Variants in ANKRD13A observed in about 807,000 individuals in gnomAD.
ANKRD13A encodes the protein ankyrin repeat domain 13A.
A neutral mutation model predicts 81.3 loss-of-function variants in ANKRD13A; 48 were observed. That is an observed-to-expected ratio of 0.59 (90% CI 0.47 to 0.75). The LOEUF (loss-of-function observed/expected upper bound fraction) is 0.75, where lower values mean the gene tolerates loss of function less well. ANKRD13A is among the 30% of genes least tolerant of loss of function. ANKRD13A has a pLI of 0.00. For missense variants in ANKRD13A, 612 were observed against 734.0 expected (o/e 0.83, Z 1.92); for synonymous variants, 230 against 270.1 (o/e 0.85, Z 1.45).
chr12:109,999,865 C>A lies in ANKRD13A; in HGVS notation c.96+81C>A. 1 of 1,286,034 alleles carries A rather than the reference C, an allele frequency of 7.8e-7. No individual in the cohort carries two copies. Among genetic ancestry groups the A allele is most frequent in the Non-Finnish European group, 1.0e-6 (1 of 952,742 alleles). The allele number at this position is 1,286,034 out of a possible 1,614,324, so 79.7% of individuals were successfully genotyped here. A position where few individuals can be genotyped will look rare whatever the true frequency, so the allele number is the denominator to read the frequency against. Reference sequence around the variant, plus strand: ...CGTTTCGCCTCCCTGAGCCCATTTCCAGCCCTCTGTCCCCGGGATCCCCAG... The same window carrying A: ...CGTTTCGCCTCCCTGAGCCCATTTCAAGCCCTCTGTCCCCGGGATCCCCAG... On this transcript the variant is annotated intron_variant, in intron 1 of 14. Transcript: ENST00000261739. The surrounding 1 kb of genome is among the most constrained non-coding windows in gnomAD (Gnocchi z 4.3).
In ANKRD13A at chr12:110,036,264, C is replaced by T. The variant is rs774112727; in HGVS notation, c.1513C>T (p.Leu505Phe). 1.2e-5 allele frequency: 19 copies of T among 1,613,864 alleles called. No homozygotes were observed. Among genetic ancestry groups the T allele is most frequent in the Middle Eastern group, 1.6e-4 (1 of 6,084 alleles). ...SLLESSRSQE[L>F]SGPASNGGIS... ...CTATCACATTTGTCTTTGCCAGGAA[C>T]TTTCAGGACCAGCTTCGAATGGAGG... Residue 505 changes from leucine to phenylalanine, a missense_variant, in exon 14 of 15, where the codon CTT becomes TTT. Leu to Phe is a conservative substitution (Grantham distance 22, BLOSUM62 0). Coordinates refer to ENST00000261739, the MANE Select transcript of ANKRD13A (RefSeq NM_033121.2). The surrounding 1 kb of genome is among the most constrained non-coding windows in gnomAD (Gnocchi z 4.6).
intron 7 of ANKRD13A, among the ~76,000 whole-genome samples, chr12:110,025,202 G>A (rs1007956647): frequency 1.3e-5 from 2 of 151,936 alleles, no homozygotes; most frequent in East Asian, 1.9e-4. Context: ...CTAAAAATAC[G>A]AAAATTAACC....
chr12:110,010,171 T>G (rs565037528), intron 1 of ANKRD13A, among the ~76,000 whole-genome samples: 21 of 152,320 alleles, frequency 1.4e-4, no homozygotes, highest in Middle Eastern at 6.8e-3. Flanking sequence ...CTGGCTGAGT[T>G]TGAGTGTTAA....
At position 110,018,483 on chromosome 12, in the gene ANKRD13A, GAGA is replaced by G. The variant is rs1890907117; in HGVS notation, c.542_544del (p.Glu181del). The G allele has an allele frequency of 2.5e-6, 4 of 1,613,788 alleles. No individual in the cohort carries two copies. Among genetic ancestry groups the G allele is most frequent in the Non-Finnish European group, 3.4e-6 (4 of 1,179,846 alleles). On this transcript the variant is annotated inframe_deletion and splice_region_variant, in exon 5 of 15. Coordinates refer to ENST00000261739, the MANE Select transcript of ANKRD13A (RefSeq NM_033121.2). This position sits in a 1 kb window ranked among gnomAD's most constrained non-coding sequence, Gnocchi z 4.4. ...GGGAGGCGTAGTTTTATATTTAAGG[GAGA>G]AGGTGAGTGACTTCTCTTGTAGTAA...
intron 1 of ANKRD13A, among the ~76,000 whole-genome samples, chr12:110,000,511 T>C (rs1280418857): frequency 6.6e-6 from 1 of 152,214 alleles, no homozygotes; most frequent in Non-Finnish European, 1.5e-5. Flanking sequence ...GCTATCTCTT[T>C]AAAGCAGTAG....
chr12:110,004,143 A>G (rs1336847118), intron 1 of ANKRD13A, among the ~76,000 whole-genome samples: 1 of 151,580 alleles, frequency 6.6e-6, no homozygotes, highest in African/African-American at 2.4e-5. Context: ...CGGCAACAGT[A>G]TGAGACTCCA....
intron 6 of ANKRD13A, among the ~76,000 whole-genome samples, chr12:110,020,711 C>G (rs547814466): frequency 1.7e-4 from 26 of 152,308 alleles, no homozygotes; most frequent in South Asian, 1.4e-3. Flanking sequence ...TGTTCATAAC[C>G]CCAGAAGGCA....
At chr12:110,030,921 C>A (rs765336302) in intron 12 of ANKRD13A, among the ~76,000 whole-genome samples, 163 bp downstream of exon 12, 13 of 151,710 alleles carry the variant, frequency 8.6e-5, no homozygotes, top group Non-Finnish European at 1.5e-4. Flanking sequence ...ATGGAGAAAC[C>A]CTGTCTCTAC....
Position 110,031,669 on chromosome 12 carries a change from T to C in ANKRD13A, c.1348+911T>C, listed in dbSNP as rs1459401666. Among the ~76,000 whole-genome samples, 4 of 152,294 alleles carry C rather than the reference T, an allele frequency of 2.6e-5. No individual in the cohort carries two copies. In the South Asian group the frequency reaches 8.3e-4, roughly 32 times the overall value. On this transcript the variant is annotated intron_variant, in intron 12 of 14. Coordinates refer to ENST00000261739, the MANE Select transcript of ANKRD13A (RefSeq NM_033121.2). ...ATTTTGACAAATGTATGCATCTGTG[T>C]AACCACCACCATAGTCAAGGTAGAC...
intron 1 of ANKRD13A, among the ~76,000 whole-genome samples, chr12:110,006,193 T>C (rs1481375001): frequency 6.6e-6 from 1 of 152,238 alleles, no homozygotes; most frequent in Non-Finnish European, 1.5e-5. Flanking sequence ...TGCTGGGTCA[T>C]GTAGTTACTC....
rs1341508765 is a variant in ANKRD13A at position 109,999,504 on chromosome 12, C to A, written c.-185C>A. 3.2e-6 allele frequency: 1 copy of A among 313,420 alleles called. No individual in the cohort carries two copies. 19.4% of individuals were successfully genotyped at this position (313,420 alleles called of 1,614,324 possible). ...GGGGTGGGCGCGGCCGACCTGGTCC[C>A]TGAGCCGGCCGGCGACCCCGGACCT... On this transcript the variant is annotated 5_prime_UTR_variant, in exon 1 of 15. In the 5' UTR this introduces an upstream ATG that the reference lacks. Transcript: ENST00000261739. The surrounding 1 kb of genome is among the most constrained non-coding windows in gnomAD (Gnocchi z 4.3).
intron 1 of ANKRD13A, among the ~76,000 whole-genome samples, chr12:110,007,164 A>G (rs1890283352): frequency 6.6e-6 from 1 of 152,192 alleles, no homozygotes. Flanking sequence ...CTCTCTCTTC[A>G]AGGTGGCTAT....
chr12:110,016,327 T>A, intron 3 of ANKRD13A, 61 bp from the exon 4 acceptor site: 23 of 1,299,284 alleles, frequency 1.8e-5, no homozygotes, highest in Non-Finnish European at 2.3e-5. Context: ...TGTTAACCCC[T>A]GCTTATGTTG....
intron 11 of ANKRD13A, 149 bp from the exon 12 acceptor site, chr12:110,030,496 C>T (rs997438388): frequency 2.2e-5 from 8 of 361,606 alleles, no homozygotes; most frequent in African/African-American, 1.7e-4. Flanking sequence ...TCTCAGTTTT[C>T]CCGTCTGTGT....
At chr12:110,014,789 C>CTTTTTTTTTTTTCT (rs761398140) in intron 3 of ANKRD13A, among the ~76,000 whole-genome samples, 7 of 135,708 alleles carry the variant, frequency 5.2e-5, no homozygotes, top group African/African-American at 2.2e-4. Context: ...CATTTCTCTT[C>CTTTTTTTTTTTTCT]TTTTTTTTTT....
At chr12:110,014,525 A>C (rs959775330) in intron 3 of ANKRD13A, among the ~76,000 whole-genome samples, 15 of 152,230 alleles carry the variant, frequency 9.9e-5, no homozygotes, top group African/African-American at 3.6e-4. Context: ...AGTTATAGAG[A>C]GCCTGTAAAT....
chr12:110,011,239 G>T (rs1890504251), intron 1 of ANKRD13A, among the ~76,000 whole-genome samples: 1 of 152,228 alleles, frequency 6.6e-6, no homozygotes, highest in African/African-American at 2.4e-5. Flanking sequence ...AGAAATTGCT[G>T]CGTGGCTCTG....
chr12:109,999,526 A>G lies in ANKRD13A; in HGVS notation c.-163A>G. Reference sequence around the variant, plus strand: ...TCCCTGAGCCGGCCGGCGACCCCGGACCTCCCGCGCGCCCCGCACCCGACC... The same window carrying G: ...TCCCTGAGCCGGCCGGCGACCCCGGGCCTCCCGCGCGCCCCGCACCCGACC... On this transcript the variant is annotated 5_prime_UTR_variant, in exon 1 of 15. Coordinates refer to ENST00000261739, the MANE Select transcript of ANKRD13A (RefSeq NM_033121.2). The surrounding 1 kb of genome is among the most constrained non-coding windows in gnomAD (Gnocchi z 4.3). The G allele has an allele frequency of 2.6e-6, 1 of 383,838 alleles. No individual in the cohort carries two copies. The allele number at this position is 383,838 out of a possible 1,614,324, so 23.8% of individuals were successfully genotyped here. A position where few individuals can be genotyped will look rare whatever the true frequency, so the allele number is the denominator to read the frequency against.
Position 110,030,710 on chromosome 12 carries a change from G to C in ANKRD13A, c.1300G>C (p.Ala434Pro), listed in dbSNP as rs916926439. 6.2e-7 allele frequency: 1 copy of C among 1,610,280 alleles called. No homozygotes were observed. The highest frequency in any genetic ancestry group is 1.3e-5 in the African/African-American group (1 of 74,898). ...TFGNVNGCST[A>P]EESVSQNVEG... ...TGGAAATGTTAATGGCTGTAGCACT[G>C]CCGAAGAATCTGTATCTCAAAATGT... The change falls in exon 12 of 15, where the codon GCC becomes CCC. Residue 434 changes from alanine to proline, a missense_variant. Physicochemically the swap from Ala to Pro is conservative, Grantham distance 27. Transcript: ENST00000261739.
Sources: allele counts gnomAD v4.1 joint callset (sites outside exome capture counted in the v4.1 genomes callset), GRCh38; gene constraint gnomAD v4.1.1; non-coding constraint Gnocchi (gnomAD v3.1); transcripts MANE v1.5; gene names NCBI Gene and HGNC (gene_info 2026-07-23, HGNC 2026-07-21).